RANBP2: variants seen among roughly 807,000 people sequenced by gnomAD.
RANBP2 encodes the protein E3 SUMO-protein ligase RanBP2.
RANBP2 carries 57 observed loss-of-function variants against 303.6 expected under a neutral mutation model. That is an observed-to-expected ratio of 0.19 (90% CI 0.15 to 0.23). RANBP2 has a LOEUF of 0.23. RANBP2 is among the 10% of genes least tolerant of loss of function. The pLI is 1.00. For missense variants in RANBP2, 3,138 were observed against 3,780.8 expected (o/e 0.83, Z 4.46); for synonymous variants, 1,167 against 1,301.5 (o/e 0.90, Z 2.23).
At chr2:109,596,293 T>G in the RANBP2 span, among the ~76,000 whole-genome samples, 1 of 152,232 alleles carries the variant, frequency 6.6e-6, no homozygotes, top group East Asian at 1.9e-4. Context: ...TTGCTTAGTG[T>G]TGATAAGTAA....
chr2:109,593,729 A>G, the RANBP2 span, among the ~76,000 whole-genome samples: 2 of 151,998 alleles, frequency 1.3e-5, no homozygotes, highest in Non-Finnish European at 2.9e-5. Context: ...ATACTCTAAG[A>G]GCCAAGAAGT....
chr2:108,997,925 A>G, the RANBP2 span, among the ~76,000 whole-genome samples: 1 of 152,052 alleles, frequency 6.6e-6, no homozygotes, highest in African/African-American at 2.4e-5. Flanking sequence ...AAAACACAAG[A>G]CACTGCTCTG....
chr2:109,082,562 G>A, the RANBP2 span, among the ~76,000 whole-genome samples: 1 of 152,018 alleles, frequency 6.6e-6, no homozygotes, highest in Non-Finnish European at 1.5e-5. Flanking sequence ...GCCTCCCAAA[G>A]TGCTGGGATT....
chr2:109,019,925 C>A, the RANBP2 span, among the ~76,000 whole-genome samples: 1 of 152,134 alleles, frequency 6.6e-6, no homozygotes, highest in South Asian at 2.1e-4. Context: ...ATCAGCACAG[C>A]CAGTGTCTGC....
chr2:109,474,662 G>T, the RANBP2 span, among the ~76,000 whole-genome samples: 1 of 152,230 alleles, frequency 6.6e-6, no homozygotes, highest in East Asian at 1.9e-4. Flanking sequence ...GTCTGCCCTG[G>T]ACAGCATCGG....
intron 7 of RANBP2, among the ~76,000 whole-genome samples, chr2:108,742,525 C>G (rs560335293): frequency 6.6e-6 from 1 of 151,642 alleles, no homozygotes; most frequent in Non-Finnish European, 1.5e-5. Context: ...AGGATGGTCT[C>G]GATCTTCTGA....
chr2:108,935,776 G>A, the RANBP2 span, among the ~76,000 whole-genome samples: 45 of 152,230 alleles, frequency 3.0e-4, no homozygotes, highest in Admixed American at 2.0e-3. Flanking sequence ...TAAGGACGGT[G>A]CCAGACAGAT....
chr2:109,031,355 G>T, the RANBP2 span, among the ~76,000 whole-genome samples: 3 of 152,148 alleles, frequency 2.0e-5, no homozygotes, highest in African/African-American at 7.2e-5. Context: ...TCTGCAGAAG[G>T]AGCGGAAGGG....
rs112880794 is a variant in RANBP2, at chr2:108,762,798, C to CCATCATCATCAT, written c.2698-420_2698-409dup. On this transcript the variant is annotated intron_variant, in intron 19 of 28. Coordinates refer to ENST00000283195, the MANE Select transcript of RANBP2 (RefSeq NM_006267.5). ...ATTAATAAATGCTCAATAAATGTTA[C>CCATCATCATCAT]CATCATCATCATCATCATCATCATC... Among the ~76,000 whole-genome samples the CCATCATCATCAT allele has an allele frequency of 3.6e-3, 552 of 151,290 alleles. 6 individuals carry two copies. Among genetic ancestry groups the CCATCATCATCAT allele is most frequent in the Non-Finnish European group, 4.8e-3 (324 of 67,818 alleles).
the RANBP2 span, among the ~76,000 whole-genome samples, chr2:109,720,326 A>G: frequency 1.3e-5 from 2 of 152,032 alleles, no homozygotes; most frequent in Non-Finnish European, 2.9e-5. Flanking sequence ...TCAGTGACAC[A>G]GCATCACCGT....
chr2:109,056,434 G>T, the RANBP2 span, among the ~76,000 whole-genome samples: 124 of 152,254 alleles, frequency 8.1e-4, no homozygotes, highest in African/African-American at 2.9e-3. Flanking sequence ...CTCCCAAAGT[G>T]CTGGGATTAC....
the RANBP2 span, among the ~76,000 whole-genome samples, chr2:109,717,454 C>T: frequency 2.0e-5 from 3 of 151,910 alleles, no homozygotes; most frequent in Non-Finnish European, 4.4e-5. Context: ...TGGCGGTGGA[C>T]GCCTGTAATC....
At chr2:109,616,142 G>T in the RANBP2 span, 1 of 1,412,212 alleles carries the variant, frequency 7.1e-7, no homozygotes, top group South Asian at 1.8e-5. Context: ...AAGGAAGTGA[G>T]ACCAGAAGGA....
the RANBP2 span, among the ~76,000 whole-genome samples, chr2:109,438,153 T>G: frequency 6.6e-6 from 1 of 152,190 alleles, no homozygotes; most frequent in Non-Finnish European, 1.5e-5. Flanking sequence ...GAGACAACAC[T>G]TAGGTCAGCA....
At chr2:109,565,787 G>C in the RANBP2 span, 5 of 1,613,834 alleles carry the variant, frequency 3.1e-6, no homozygotes, top group African/African-American at 6.7e-5. Context: ...CAAGGGTACT[G>C]GCGAGCTTTG....
At chr2:109,613,288 G>A in the RANBP2 span, 1 of 766,446 alleles carries the variant, frequency 1.3e-6, no homozygotes. Flanking sequence ...GAGTCAAGGC[G>A]GGAAAAAAAC....
the RANBP2 span, chr2:109,614,769 C>T: frequency 5.4e-6 from 8 of 1,479,160 alleles, no homozygotes; most frequent in Non-Finnish European, 6.2e-6. Flanking sequence ...CTCCGGGGAC[C>T]CGCCGCGAAT....
chr2:109,306,574 T>G, the RANBP2 span, among the ~76,000 whole-genome samples: 17 of 152,192 alleles, frequency 1.1e-4, no homozygotes, highest in Middle Eastern at 3.2e-3. Context: ...GCTGGTGGTG[T>G]TCTCCAGGCA....
At chr2:109,358,337 A>G in the RANBP2 span, among the ~76,000 whole-genome samples, 2 of 152,238 alleles carry the variant, frequency 1.3e-5, no homozygotes, top group South Asian at 2.1e-4. Context: ...TTGGGTAATT[A>G]TAAATAAAGC....
Sources: gnomAD v4.1 joint callset for allele counts (sites outside exome capture counted in the v4.1 genomes callset) on GRCh38, gnomAD v4.1.1 for gene constraint, MANE v1.5 for transcripts, NCBI Gene and HGNC (gene_info 2026-07-23, HGNC 2026-07-21) for gene names.